The following GPC5 variants were observed in gnomAD, a reference collection of about 807,000 sequenced individuals.
GPC5 encodes glypican 5.
A neutral mutation model predicts 53.9 loss-of-function variants in GPC5; 47 were observed. That is an observed-to-expected ratio of 0.87 (90% CI 0.69 to 1.11). The LOEUF (loss-of-function observed/expected upper bound fraction) is 1.11, where lower values mean the gene tolerates loss of function less well. GPC5 is among the 50% of genes most tolerant of loss of function. The probability of loss-of-function intolerance (pLI) is 0.00; values close to 1 mark genes in which losing one functional copy is unlikely to be tolerated. For synonymous variants in GPC5, 286 were observed against 263.3 expected (o/e 1.09, Z -0.84); for missense variants, 748 against 713.1 (o/e 1.05, Z -0.56).
At chr13:91,849,376 T>C (rs2038888408) in intron 5 of GPC5, among the ~76,000 whole-genome samples, 1 of 152,184 alleles carries the variant, frequency 6.6e-6, no homozygotes, top group Non-Finnish European at 1.5e-5. Flanking sequence ...GAAAGAAGGA[T>C]GAGTGAATTT....
chr13:91,863,574 A>G (rs1049435933), intron 5 of GPC5, among the ~76,000 whole-genome samples: 4 of 152,080 alleles, frequency 2.6e-5, no homozygotes, highest in African/African-American at 9.7e-5. Context: ...CTCTCTATAT[A>G]TATTTTTTCC....
At chr13:92,378,940 A>G (rs2139303644) in intron 7 of GPC5, among the ~76,000 whole-genome samples, 1 of 152,270 alleles carries the variant, frequency 6.6e-6, no homozygotes. Context: ...CCAGTCTCTA[A>G]TCATATATTG....
intron 7 of GPC5, among the ~76,000 whole-genome samples, chr13:92,475,954 A>G (rs1879108448): frequency 6.6e-6 from 1 of 152,140 alleles, no homozygotes; most frequent in Non-Finnish European, 1.5e-5. Flanking sequence ...AAGAAAACCT[A>G]GGCATTACCA....
At position 92,845,270 on chromosome 13, in the gene GPC5, C is replaced by T. The variant is rs759190335; in HGVS notation, c.1562-21012C>T. Among the ~76,000 whole-genome samples, 6 of 152,126 alleles carry T rather than the reference C, an allele frequency of 3.9e-5. No individual in the cohort carries two copies. In the South Asian group the frequency reaches 6.2e-4, roughly 16 times the overall value. ...GATAAGAAAATAACGTCCAGAGAAA[C>T]GCTGACTTGACATGCCTTTGACTGG... On this transcript the variant is annotated intron_variant, in intron 7 of 7. Transcript: ENST00000377067.
At position 92,814,431 on chromosome 13, in the gene GPC5, C is replaced by G. The variant is rs548083016; in HGVS notation, c.1562-51851C>G. Among the ~76,000 whole-genome samples, 4 of 151,928 alleles carry G rather than the reference C, an allele frequency of 2.6e-5. No homozygotes were observed. In the South Asian group the frequency reaches 8.3e-4, roughly 32 times the overall value. Reference sequence around the variant, plus strand: ...ATTCCAGCACTTTGGGAGGCCAAGGCGGGTGGATCACTTGAGGTCAGGAGT... The same window carrying G: ...ATTCCAGCACTTTGGGAGGCCAAGGGGGGTGGATCACTTGAGGTCAGGAGT... On this transcript the variant is annotated intron_variant, in intron 7 of 7. Coordinates refer to ENST00000377067, the MANE Select transcript of GPC5 (RefSeq NM_004466.6).
At chr13:92,513,914 G>A (rs1880674649) in intron 7 of GPC5, among the ~76,000 whole-genome samples, 1 of 152,064 alleles carries the variant, frequency 6.6e-6, no homozygotes, top group African/African-American at 2.4e-5. Context: ...GTGGCATCAT[G>A]TTGGCACTCA....
chr13:92,432,071 G>T (rs976124821), intron 7 of GPC5, among the ~76,000 whole-genome samples: 1 of 152,136 alleles, frequency 6.6e-6, no homozygotes, highest in African/African-American at 2.4e-5. Context: ...GTTCAGATAA[G>T]GTTATGAGGC....
At chr13:92,824,051 G>A (rs1384882767) in intron 7 of GPC5, among the ~76,000 whole-genome samples, 1 of 152,018 alleles carries the variant, frequency 6.6e-6, no homozygotes, top group Non-Finnish European at 1.5e-5. Flanking sequence ...TGTCATCAGA[G>A]CTGGCTGGAG....
chr13:92,053,120 C>A (rs1002727931), intron 6 of GPC5, among the ~76,000 whole-genome samples: 2 of 152,108 alleles, frequency 1.3e-5, no homozygotes, highest in African/African-American at 4.8e-5. Flanking sequence ...ACTCAATTAC[C>A]TAAAACTCAA....
chr13:92,068,377 C>T (rs1490214764), intron 6 of GPC5, among the ~76,000 whole-genome samples: 4 of 151,516 alleles, frequency 2.6e-5, no homozygotes, highest in Non-Finnish European at 3.0e-5. Flanking sequence ...ATATTGTAAC[C>T]GGTGATCCTG....
At chr13:92,661,498 T>G (rs1886342098) in intron 7 of GPC5, among the ~76,000 whole-genome samples, 1 of 152,234 alleles carries the variant, frequency 6.6e-6, no homozygotes, top group Admixed American at 6.5e-5. Flanking sequence ...TTATATATTT[T>G]ATGGCCTATT....
At chr13:91,562,370 G>A (rs1300367378) in intron 2 of GPC5, among the ~76,000 whole-genome samples, 3 of 152,032 alleles carry the variant, frequency 2.0e-5, no homozygotes, top group Admixed American at 6.6e-5. Context: ...TAAGTACATG[G>A]GGGAGTTCTC....
chr13:91,726,862 C>T (rs143987165), intron 3 of GPC5, among the ~76,000 whole-genome samples: 24 of 152,204 alleles, frequency 1.6e-4, no homozygotes, highest in Admixed American at 4.6e-4. Flanking sequence ...TCTGAAGCAG[C>T]GCTTTCCCTG....
chr13:92,752,472 G>A (rs1198574158), intron 7 of GPC5, among the ~76,000 whole-genome samples: 1 of 152,120 alleles, frequency 6.6e-6, no homozygotes, highest in Non-Finnish European at 1.5e-5. Flanking sequence ...ATATTTTCTG[G>A]ATGGGGGGAG....
At chr13:92,147,399 G>T (rs138381473) in intron 7 of GPC5, among the ~76,000 whole-genome samples, 1 of 151,882 alleles carries the variant, frequency 6.6e-6, no homozygotes, top group Non-Finnish European at 1.5e-5. Flanking sequence ...GTGAGTGTGT[G>T]TGCATATGTG....
intron 2 of GPC5, among the ~76,000 whole-genome samples, chr13:91,507,168 G>C (rs767943929): frequency 2.6e-5 from 4 of 152,116 alleles, no homozygotes; most frequent in Non-Finnish European, 5.9e-5. Context: ...TCAAGATCAA[G>C]GGGCTGGCAG....
intron 7 of GPC5, among the ~76,000 whole-genome samples, chr13:92,491,029 C>T (rs137994156): frequency 5.3e-5 from 8 of 151,946 alleles, no homozygotes; most frequent in Non-Finnish European, 1.5e-5. Flanking sequence ...CAGATGGTCT[C>T]GTTACTATAT....
At chr13:92,724,795 G>T (rs1888591533) in intron 7 of GPC5, among the ~76,000 whole-genome samples, 1 of 150,974 alleles carries the variant, frequency 6.6e-6, no homozygotes, top group Admixed American at 6.6e-5. Flanking sequence ...TGCTGTACAA[G>T]ATGGTGACTA....
chr13:92,706,353 A>T (rs1389511444), intron 7 of GPC5, among the ~76,000 whole-genome samples: 1 of 152,038 alleles, frequency 6.6e-6, no homozygotes, highest in Non-Finnish European at 1.5e-5. Context: ...ATGTGTGATT[A>T]TATCTAGAAT....
Sources: allele counts gnomAD v4.1 joint callset (sites outside exome capture counted in the v4.1 genomes callset), GRCh38; gene constraint gnomAD v4.1.1; transcripts MANE v1.5; gene names NCBI Gene and HGNC (gene_info 2026-07-23, HGNC 2026-07-21).